The following TMEM132D variants were observed in gnomAD, a reference collection of about 807,000 sequenced individuals.
The protein encoded by TMEM132D is transmembrane protein 132D.
A neutral mutation model predicts 62.3 loss-of-function variants in TMEM132D; 21 were observed. That is an observed-to-expected ratio of 0.34 (90% CI 0.24 to 0.49). The LOEUF is 0.49. Ranked by LOEUF, TMEM132D falls within the 20% of genes least tolerant of loss-of-function variation. TMEM132D has a pLI of 0.99. For synonymous variants in TMEM132D, 621 were observed against 575.6 expected (o/e 1.08, Z -1.13); for missense variants, 1,346 against 1,402.8 (o/e 0.96, Z 0.65).
chr12:129,718,805 T>C (rs545206346), intron 1 of TMEM132D, among the ~76,000 whole-genome samples: 1 of 152,336 alleles, frequency 6.6e-6, no homozygotes, highest in African/African-American at 2.4e-5. Flanking sequence ...TCATTTATAA[T>C]ATGGGGATAA....
At chr12:129,424,269 T>C (rs983136559) in intron 3 of TMEM132D, among the ~76,000 whole-genome samples, 1 of 152,108 alleles carries the variant, frequency 6.6e-6, no homozygotes, top group Admixed American at 6.5e-5. Context: ...ACACTGTTTC[T>C]CAATAAAGTA....
intron 3 of TMEM132D, among the ~76,000 whole-genome samples, chr12:129,523,501 A>T (rs1011389817): frequency 6.6e-6 from 1 of 152,196 alleles, no homozygotes; most frequent in Non-Finnish European, 1.5e-5. Context: ...GTATTTTAGT[A>T]TTACAGCACT....
intron 2 of TMEM132D, among the ~76,000 whole-genome samples, chr12:129,545,687 A>G (rs1876712964): frequency 6.6e-6 from 1 of 152,184 alleles, no homozygotes; most frequent in Non-Finnish European, 1.5e-5. Context: ...ATTTTCTGAC[A>G]CCATCAGCTG....
intron 2 of TMEM132D, among the ~76,000 whole-genome samples, chr12:129,664,942 C>T (rs1386357781): frequency 2.6e-5 from 4 of 152,078 alleles, no homozygotes; most frequent in South Asian, 2.1e-4. Flanking sequence ...TTCACCACCA[C>T]GAATGTAAAT....
intron 3 of TMEM132D, among the ~76,000 whole-genome samples, chr12:129,345,837 G>C (rs935886773): frequency 3.9e-5 from 6 of 152,152 alleles, no homozygotes; most frequent in Non-Finnish European, 8.8e-5. Flanking sequence ...GCTTCAGTTT[G>C]CCAGTATTTT....
intron 3 of TMEM132D, among the ~76,000 whole-genome samples, chr12:129,490,947 C>A (rs1405576350): frequency 6.6e-6 from 1 of 152,096 alleles, no homozygotes; most frequent in Non-Finnish European, 1.5e-5. Context: ...TGATCCGGCA[C>A]GTTGCTCTGT....
rs1871029624 is a variant in TMEM132D, at chr12:129,778,819, ATTC to A, written c.80-78124_80-78122del. 2.0e-5 allele frequency among the ~76,000 whole-genome samples: 3 copies of A among 152,102 alleles called. No homozygotes were observed. The South Asian group carries it at 6.2e-4, about 32-fold the overall frequency. On this transcript the variant is annotated intron_variant, in intron 1 of 8. Coordinates refer to ENST00000422113, the MANE Select transcript of TMEM132D (RefSeq NM_133448.3). ...TTGCTTTCTGTCTTGGGAGGGAGGT[ATTC>A]TTCTATGTCTCTATTAGCCACTTCT...
intron 5 of TMEM132D, among the ~76,000 whole-genome samples, chr12:129,177,638 G>T (rs997630484): frequency 2.6e-5 from 4 of 152,152 alleles, no homozygotes; most frequent in African/African-American, 9.7e-5. Flanking sequence ...TGTACCTATA[G>T]TTCCAGCTAC....
intron 3 of TMEM132D, among the ~76,000 whole-genome samples, chr12:129,477,865 CAG>C (rs368466852): frequency 3.6e-4 from 53 of 149,042 alleles, no homozygotes; most frequent in African/African-American, 4.4e-4. Flanking sequence ...CACACATATA[CAG>C]AGAGAGAGAG....
chr12:129,327,364 C>T (rs1393388946), intron 4 of TMEM132D, among the ~76,000 whole-genome samples: 1 of 152,162 alleles, frequency 6.6e-6, no homozygotes, highest in South Asian at 2.1e-4. Context: ...CCTGATCCCC[C>T]CAGCCAAACT....
chr12:129,578,002 G>C (rs550188059), intron 2 of TMEM132D, among the ~76,000 whole-genome samples: 1 of 152,186 alleles, frequency 6.6e-6, no homozygotes, highest in Non-Finnish European at 1.5e-5. Flanking sequence ...AATCTGTTGA[G>C]GGCCAACGCA....
intron 3 of TMEM132D, among the ~76,000 whole-genome samples, chr12:129,422,553 G>T (rs1593373592): frequency 6.6e-6 from 1 of 152,154 alleles, no homozygotes; most frequent in Non-Finnish European, 1.5e-5. Context: ...GGTCTGAAAA[G>T]GTTGCAAATA....
chr12:129,791,094 T>C (rs1593163120), intron 1 of TMEM132D, among the ~76,000 whole-genome samples: 1 of 152,218 alleles, frequency 6.6e-6, no homozygotes, highest in Admixed American at 6.5e-5. Flanking sequence ...AAGTTTAATG[T>C]CAATTGCATA....
At chr12:129,420,752 T>C (rs1872295155) in intron 3 of TMEM132D, among the ~76,000 whole-genome samples, 1 of 152,174 alleles carries the variant, frequency 6.6e-6, no homozygotes, top group Non-Finnish European at 1.5e-5. Context: ...CCAACTAAAA[T>C]CACACAAAGT....
At chr12:129,660,964 A>G (rs921180758) in intron 2 of TMEM132D, among the ~76,000 whole-genome samples, 2 of 152,210 alleles carry the variant, frequency 1.3e-5, no homozygotes, top group African/African-American at 2.4e-5. Context: ...TCCATCCTAC[A>G]TAATTTATTT....
intron 3 of TMEM132D, among the ~76,000 whole-genome samples, chr12:129,437,904 G>T (rs541549431): frequency 2.5e-4 from 3 of 12,144 alleles, no homozygotes; most frequent in Non-Finnish European, 5.6e-4. Context: ...CCCTCCCCCC[G>T]ACAGGCCCCA....
intron 1 of TMEM132D, among the ~76,000 whole-genome samples, chr12:129,739,804 T>C (rs1370802582): frequency 6.6e-6 from 1 of 152,212 alleles, no homozygotes; most frequent in Non-Finnish European, 1.5e-5. Context: ...TGAAGTCATC[T>C]AGCAAAATGC....
intron 3 of TMEM132D, among the ~76,000 whole-genome samples, chr12:129,524,298 A>G (rs935196851): frequency 6.6e-5 from 10 of 152,224 alleles, no homozygotes; most frequent in Non-Finnish European, 1.5e-4. Context: ...TATGCCATCT[A>G]TACCTGTATT....
chr12:129,298,311 A>G (rs1477047875), intron 4 of TMEM132D, among the ~76,000 whole-genome samples: 2 of 152,174 alleles, frequency 1.3e-5, no homozygotes, highest in African/African-American at 4.8e-5. Flanking sequence ...CTGCTTTTTA[A>G]TGTTTTTTAT....
Sources: gnomAD v4.1 joint callset for allele counts (sites outside exome capture counted in the v4.1 genomes callset) on GRCh38, gnomAD v4.1.1 for gene constraint, MANE v1.5 for transcripts, NCBI Gene and HGNC (gene_info 2026-07-23, HGNC 2026-07-21) for gene names.